Variants in ERAP1 observed in about 807,000 individuals in gnomAD.
ERAP1 encodes endoplasmic reticulum aminopeptidase 1.
In ERAP1, 86 loss-of-function variants were observed where a neutral mutation model predicts 103.7. The observed-to-expected ratio is 0.83, with a 90% confidence interval of 0.70 to 0.99. ERAP1 has a LOEUF of 0.99. Among genes scored for constraint, ERAP1 ranks in the 50% least tolerant of loss-of-function variants. ERAP1 has a pLI of 0.00. For missense variants in ERAP1, 1,009 were observed against 1,128.4 expected (o/e 0.89, Z 1.52); for synonymous variants, 398 against 402.4 (o/e 0.99, Z 0.13).
upstream of ERAP1, among the ~76,000 whole-genome samples, chr5:96,810,417 G>A (rs2151025936): frequency 6.6e-6 from 1 of 152,350 alleles, no homozygotes; most frequent in Middle Eastern, 3.4e-3. Context: ...GTGTGCATGT[G>A]TGTGTTTATA....
the ERAP1 span, chr5:96,822,932 C>T: frequency 7.5e-6 from 3 of 401,398 alleles, no homozygotes; most frequent in Non-Finnish European, 1.5e-5. Context: ...GGGATACAGT[C>T]TCACCTGAGG....
the ERAP1 span, among the ~76,000 whole-genome samples, chr5:96,856,365 TAGAGAGAG>T: frequency 1.5e-4 from 3 of 20,384 alleles, no homozygotes; most frequent in African/African-American, 3.3e-4. Context: ...TATATATATA[TAGAGAGAG>T]AGAGAGAGAG....
the ERAP1 span, chr5:96,912,779 C>T: frequency 8.1e-6 from 13 of 1,598,600 alleles, no homozygotes; most frequent in African/African-American, 1.4e-5. Flanking sequence ...AACGAGCAAG[C>T]ATCAGGAAAA....
At chr5:96,810,109 C>A (rs1420595962), upstream of ERAP1, among the ~76,000 whole-genome samples, 1 of 152,214 alleles carries the variant, frequency 6.6e-6, no homozygotes, top group Non-Finnish European at 1.5e-5. Flanking sequence ...CTCACCCTGA[C>A]TCAGACTTTA....
the ERAP1 span, chr5:96,919,529 T>C: frequency 6.6e-6 from 1 of 152,354 alleles, no homozygotes; most frequent in Non-Finnish European, 1.5e-5. Flanking sequence ...TCCATAAATA[T>C]GCAGAGTTCT....
chr5:96,812,927 T>C (rs571460936), upstream of ERAP1, among the ~76,000 whole-genome samples: 3 of 152,326 alleles, frequency 2.0e-5, no homozygotes, highest in African/African-American at 7.2e-5. Flanking sequence ...ATGGAAGAAA[T>C]GACTCAAGTG....
the ERAP1 span, chr5:96,879,791 T>C: frequency 6.2e-7 from 1 of 1,614,228 alleles, no homozygotes; most frequent in South Asian, 1.1e-5. Flanking sequence ...ATGCATTTGT[T>C]CTCAGTTCTC....
At chr5:96,851,874 G>T in the ERAP1 span, among the ~76,000 whole-genome samples, 1 of 152,140 alleles carries the variant, frequency 6.6e-6, no homozygotes, top group Non-Finnish European at 1.5e-5. Flanking sequence ...TGGGAAAAGG[G>T]ACAAGAGCCA....
chr5:96,857,769 A>G, the ERAP1 span, among the ~76,000 whole-genome samples: 2 of 152,214 alleles, frequency 1.3e-5, no homozygotes, highest in Admixed American at 6.5e-5. Context: ...CTTCTCATTA[A>G]CTTTCAAAAT....
chr5:96,762,883 G>T, exon 20 of ERAP1: 1 of 404,806 alleles, frequency 2.5e-6, no homozygotes, highest in Non-Finnish European at 4.5e-6. Flanking sequence ...TTTCATACTA[G>T]CAGTAGAAGA....
the ERAP1 span, among the ~76,000 whole-genome samples, chr5:96,906,782 A>C: frequency 6.6e-6 from 1 of 152,240 alleles, no homozygotes; most frequent in Non-Finnish European, 1.5e-5. Context: ...CTGTAATCCC[A>C]GTACTTCGTG....
the ERAP1 span, among the ~76,000 whole-genome samples, chr5:96,916,150 G>C: frequency 6.6e-6 from 1 of 152,014 alleles, no homozygotes; most frequent in Non-Finnish European, 1.5e-5. Context: ...GGACCCAGGA[G>C]GCGGAGGTTG....
At chr5:96,836,176 G>GTTTTTTTTTTTTTTTTTTTTTTGTTT in the ERAP1 span, among the ~76,000 whole-genome samples, 3 of 106,658 alleles carry the variant, frequency 2.8e-5, no homozygotes, top group South Asian at 3.6e-4. Flanking sequence ...CACCTCTTTG[G>GTTTTTTTTTTTTTTTTTTTTTTGTTT]TTTTTTTTTT....
rs1172072950 is a variant in ERAP1 at position 96,788,650 on chromosome 5, C to T, written c.1560G>A (p.Met520Ile). Reference protein sequence around the residue: ...WHQEGVDVKTMMNTWTLQKGF... With the variant: ...WHQEGVDVKTIMNTWTLQKGF... ...CCTTCTGCAGTGTCCAAGTGTTCAT[C>T]ATGGTTTTCACATCCACCCCTTCCT... The change falls in exon 11 of 19, where the codon ATG becomes ATA. Residue 520 changes from methionine (M) to isoleucine (I), a missense_variant. Met to Ile is a conservative substitution (Grantham distance 10). This residue lies in a region of ERAP1 where 611 missense variants were observed against 651.7 expected (regional missense o/e 0.94). Coordinates refer to ENST00000443439, the MANE Select transcript of ERAP1 (RefSeq NM_001040458.3). The T allele has an allele frequency of 1.2e-6, 2 of 1,614,060 alleles. No individual in the cohort carries two copies. Among genetic ancestry groups the T allele is most frequent in the Non-Finnish European group, 1.7e-6 (2 of 1,180,034 alleles).
At chr5:96,860,602 T>C in the ERAP1 span, among the ~76,000 whole-genome samples, 2 of 152,090 alleles carry the variant, frequency 1.3e-5, no homozygotes, top group African/African-American at 2.4e-5. Flanking sequence ...GGCCCCAACC[T>C]TACTATATTA....
At chr5:96,875,321 G>C in the ERAP1 span, among the ~76,000 whole-genome samples, 1 of 152,064 alleles carries the variant, frequency 6.6e-6, no homozygotes, top group African/African-American at 2.4e-5. Context: ...GATCACTTGA[G>C]CCTAGGAGTT....
At chr5:96,927,830 C>G in the ERAP1 span, among the ~76,000 whole-genome samples, 1 of 152,250 alleles carries the variant, frequency 6.6e-6, no homozygotes, top group Middle Eastern at 3.4e-3. Flanking sequence ...TTTATATATG[C>G]TAGATACAAG....
At chr5:96,856,365 T>TATATATAGAGAGAG in the ERAP1 span, among the ~76,000 whole-genome samples, 22 of 20,382 alleles carry the variant, frequency 1.1e-3, no homozygotes, top group Non-Finnish European at 1.6e-3. Context: ...TATATATATA[T>TATATATAGAGAGAG]AGAGAGAGAG....
chr5:96,800,805 AAGTCACAG>A (rs1394244732), intron 3 of ERAP1, 49 bp downstream of exon 3: 2 of 1,584,330 alleles, frequency 1.3e-6, no homozygotes, highest in East Asian at 4.5e-5. Context: ...GGGCTAGTGC[AAGTCACAG>A]AGAATCAGTA....
Sources: gnomAD v4.1 joint callset for allele counts (sites outside exome capture counted in the v4.1 genomes callset) on GRCh38, gnomAD v4.1.1 for gene constraint, gnomAD v4.1.1 regional missense constraint, MANE v1.5 for transcripts, NCBI Gene and HGNC (gene_info 2026-07-23, HGNC 2026-07-21) for gene names.